The following SGCD variants were observed in gnomAD, a reference collection of about 807,000 sequenced individuals.
The protein encoded by SGCD is sarcoglycan delta.
Under a neutral mutation model 36.6 loss-of-function variants are expected in SGCD, and 18 were observed. The observed-to-expected ratio is 0.49, with a 90% CI of 0.34 to 0.73. The LOEUF is 0.73. Among genes scored for constraint, SGCD ranks in the 30% least tolerant of loss-of-function variants. SGCD has a pLI of 0.01. For missense variants in SGCD, 387 were observed against 346.7 expected (o/e 1.12, Z -0.92); for synonymous variants, 133 against 130.6 (o/e 1.02, Z -0.12).
At chr5:155,872,160 G>A (rs1755667414) in intron 1 of SGCD, among the ~76,000 whole-genome samples, 1 of 152,202 alleles carries the variant, frequency 6.6e-6, no homozygotes, top group Non-Finnish European at 1.5e-5. Flanking sequence ...GAGAGAAGAA[G>A]AGGAAATTAA....
chr5:155,752,842 G>A, the SGCD span, among the ~76,000 whole-genome samples: 1 of 152,112 alleles, frequency 6.6e-6, no homozygotes, highest in South Asian at 2.1e-4. Flanking sequence ...GACATTGTGA[G>A]GCAGATGTTA....
At chr5:155,921,277 A>C (rs560872792) in intron 1 of SGCD, among the ~76,000 whole-genome samples, 21 of 152,282 alleles carry the variant, frequency 1.4e-4, no homozygotes, top group African/African-American at 5.1e-4. Context: ...GTTTCTGTGG[A>C]GGTCTGGAGG....
intron 3 of SGCD, among the ~76,000 whole-genome samples, chr5:156,206,467 AAT>A (rs763613628): frequency 1.3e-5 from 2 of 152,172 alleles, no homozygotes; most frequent in Non-Finnish European, 1.5e-5. Flanking sequence ...CAATTCCACT[AAT>A]AGTGTATGAG....
At chr5:156,433,867 T>C (rs1753131087) in intron 3 of SGCD, among the ~76,000 whole-genome samples, 1 of 152,196 alleles carries the variant, frequency 6.6e-6, no homozygotes, top group Non-Finnish European at 1.5e-5. Context: ...GGTTACAAGA[T>C]GGCTATAGTA....
chr5:155,879,181 T>G (rs1441822455), intron 1 of SGCD, among the ~76,000 whole-genome samples: 1 of 152,178 alleles, frequency 6.6e-6, no homozygotes, highest in Non-Finnish European at 1.5e-5. Flanking sequence ...CCAAAACCTA[T>G]GAACTTTTCA....
intron 1 of SGCD, among the ~76,000 whole-genome samples, chr5:155,936,156 C>A (rs1180178476): frequency 6.6e-6 from 1 of 152,184 alleles, no homozygotes; most frequent in African/African-American, 2.4e-5. Flanking sequence ...CTCTTCTTTC[C>A]TTCTCTCTTC....
At chr5:156,715,583 A>C (rs1755183810) in intron 7 of SGCD, among the ~76,000 whole-genome samples, 1 of 152,206 alleles carries the variant, frequency 6.6e-6, no homozygotes, top group Non-Finnish European at 1.5e-5. Context: ...AGACAAGATG[A>C]GACTGAGAGA....
chr5:156,512,660 G>T (rs1756995489), intron 4 of SGCD, among the ~76,000 whole-genome samples: 1 of 152,064 alleles, frequency 6.6e-6, no homozygotes, highest in Admixed American at 6.6e-5. Context: ...GTTACAATCT[G>T]ATAAGTTCTA....
chr5:156,383,956 C>T (rs1771133952), intron 3 of SGCD, among the ~76,000 whole-genome samples: 1 of 152,174 alleles, frequency 6.6e-6, no homozygotes, highest in Admixed American at 6.5e-5. Context: ...GGGGACTGAG[C>T]TTGACTGAAT....
At chr5:156,292,367 G>A (rs989178116) in intron 3 of SGCD, among the ~76,000 whole-genome samples, 17 of 152,134 alleles carry the variant, frequency 1.1e-4, no homozygotes, top group South Asian at 2.1e-4. Flanking sequence ...GGGATCTTAC[G>A]TATTTGCTTT....
chr5:155,865,207 C>T, the SGCD span, among the ~76,000 whole-genome samples: 2 of 151,760 alleles, frequency 1.3e-5, no homozygotes, highest in Non-Finnish European at 2.9e-5. Flanking sequence ...ATAATTAACC[C>T]ATAACCCATA....
chr5:156,555,333 CA>C (rs1469002592), intron 4 of SGCD, among the ~76,000 whole-genome samples: 6 of 152,112 alleles, frequency 3.9e-5, no homozygotes, highest in African/African-American at 1.4e-4. Flanking sequence ...TGCTTCCTTA[CA>C]AAGATTTTAC....
chr5:155,892,317 A>C (rs1289102398), intron 1 of SGCD, among the ~76,000 whole-genome samples: 3 of 152,074 alleles, frequency 2.0e-5, no homozygotes, highest in Admixed American at 1.3e-4. Flanking sequence ...TTAGCTGGGC[A>C]TGGTGGCATG....
the SGCD span, among the ~76,000 whole-genome samples, chr5:155,795,275 A>G: frequency 1.3e-5 from 2 of 152,172 alleles, no homozygotes; most frequent in Admixed American, 1.3e-4. Flanking sequence ...GTACAAAGCA[A>G]TGATGATGTC....
chr5:156,136,286 A>T (rs1454932399), intron 3 of SGCD, among the ~76,000 whole-genome samples: 1 of 151,942 alleles, frequency 6.6e-6, no homozygotes, highest in Non-Finnish European at 1.5e-5. Flanking sequence ...CTAATTTTTA[A>T]TTTTTTTGTA....
intron 7 of SGCD, among the ~76,000 whole-genome samples, chr5:156,712,089 G>T (rs977778051): frequency 1.3e-5 from 2 of 152,108 alleles, no homozygotes; most frequent in Non-Finnish European, 1.5e-5. Context: ...GGTGGGTTTT[G>T]GCTGGCTTCT....
intron 3 of SGCD, among the ~76,000 whole-genome samples, chr5:156,138,663 G>A (rs945010465): frequency 2.0e-5 from 3 of 152,188 alleles, no homozygotes; most frequent in Non-Finnish European, 4.4e-5. Context: ...ACATTTGTGA[G>A]CATGTCTTTG....
chr5:155,901,318 A>G (rs77719005), intron 1 of SGCD, among the ~76,000 whole-genome samples: 2 of 149,094 alleles, frequency 1.3e-5, no homozygotes, highest in African/African-American at 2.5e-5. Flanking sequence ...ATCTCAGAGA[A>G]AAAAAAAAAA....
At chr5:156,602,650 T>C (rs747945611) in intron 6 of SGCD, among the ~76,000 whole-genome samples, 32 of 152,138 alleles carry the variant, frequency 2.1e-4, no homozygotes, top group Non-Finnish European at 3.5e-4. Context: ...TTTCTTGCAA[T>C]TGGATTTTGA....
Sources: allele counts gnomAD v4.1 joint callset (sites outside exome capture counted in the v4.1 genomes callset), GRCh38; gene constraint gnomAD v4.1.1; transcripts MANE v1.5; gene names NCBI Gene and HGNC (gene_info 2026-07-23, HGNC 2026-07-21).